The following AGBL1 variants were observed in gnomAD, a reference collection of about 807,000 sequenced individuals.
AGBL1 encodes the protein AGBL carboxypeptidase 1.
In AGBL1, 130 loss-of-function variants were observed where a neutral mutation model predicts 118.9. That is an observed-to-expected ratio of 1.09 (90% CI 0.95 to 1.26). The LOEUF (loss-of-function observed/expected upper bound fraction) is 1.26. AGBL1 is among the 50% of genes most tolerant of loss of function. The probability of loss-of-function intolerance (pLI) is 0.00; values close to 1 mark genes in which losing one functional copy is unlikely to be tolerated. For synonymous variants in AGBL1, 555 were observed against 478.9 expected (o/e 1.16, Z -2.08); for missense variants, 1,584 against 1,298.1 (o/e 1.22, Z -3.38).
intron 21 of AGBL1, among the ~76,000 whole-genome samples, chr15:86,652,247 T>A (rs2085385695): frequency 6.6e-6 from 1 of 152,114 alleles, no homozygotes; most frequent in African/African-American, 2.4e-5. Flanking sequence ...AACTCAAGCA[T>A]CATAGGGAGC....
chr15:86,332,599 T>C (rs1163865232), intron 17 of AGBL1, among the ~76,000 whole-genome samples: 4 of 147,768 alleles, frequency 2.7e-5, no homozygotes, highest in Non-Finnish European at 4.4e-5. Context: ...TGAGCCAAGA[T>C]TGCGCCACTG....
chr15:86,741,971 A>G (rs988521047), intron 22 of AGBL1, among the ~76,000 whole-genome samples: 2 of 144,310 alleles, frequency 1.4e-5, no homozygotes, highest in Non-Finnish European at 3.0e-5. Context: ...CTCTTTATCC[A>G]CTGGAGTTTT....
chr15:86,635,516 AAC>A (rs2085068643), intron 21 of AGBL1, among the ~76,000 whole-genome samples: 1 of 151,740 alleles, frequency 6.6e-6, no homozygotes. Flanking sequence ...AGGCTAATGT[AAC>A]AGACTCAGCT....
intron 22 of AGBL1, among the ~76,000 whole-genome samples, chr15:86,857,634 T>C (rs1209674171): frequency 1.3e-5 from 2 of 152,164 alleles, no homozygotes; most frequent in Non-Finnish European, 2.9e-5. Context: ...CCTCATATCA[T>C]CACAGAGAGT....
chr15:86,683,499 T>G (rs2085998960), intron 22 of AGBL1, among the ~76,000 whole-genome samples: 1 of 152,142 alleles, frequency 6.6e-6, no homozygotes, highest in South Asian at 2.1e-4. Flanking sequence ...TAATGCCTAT[T>G]TTACAAGTGA....
chr15:86,332,506 C>T (rs890914705), intron 17 of AGBL1, among the ~76,000 whole-genome samples: 26 of 151,904 alleles, frequency 1.7e-4, no homozygotes, highest in African/African-American at 9.7e-5. Context: ...ATTAGCTGGG[C>T]GTGGCAACAG....
chr15:86,237,702 C>T (rs926849189), intron 6 of AGBL1, among the ~76,000 whole-genome samples: 7 of 152,198 alleles, frequency 4.6e-5, no homozygotes, highest in African/African-American at 1.7e-4. Flanking sequence ...ATACAAATTT[C>T]TAGGCCTATT....
chr15:86,478,095 G>A (rs141477572), intron 18 of AGBL1, among the ~76,000 whole-genome samples: 70,279 of 151,876 alleles, frequency 0.46, 16,845 homozygotes, highest in Middle Eastern at 0.56. Flanking sequence ...AATAATAAGA[G>A]CTATTTATGA....
intron 19 of AGBL1, among the ~76,000 whole-genome samples, chr15:86,539,451 C>A (rs1454357357): frequency 6.6e-6 from 1 of 152,156 alleles, no homozygotes; most frequent in African/African-American, 2.4e-5. Context: ...CAGTCCCTCC[C>A]ATCTTAACAC....
At chr15:86,402,751 T>C (rs1017636522) in intron 18 of AGBL1, among the ~76,000 whole-genome samples, 4 of 152,164 alleles carry the variant, frequency 2.6e-5, no homozygotes, top group African/African-American at 9.7e-5. Context: ...CTGATAGCTT[T>C]TGATAAGAGT....
At chr15:86,282,123 T>C (rs1204191402) in intron 16 of AGBL1, among the ~76,000 whole-genome samples, 3 of 152,180 alleles carry the variant, frequency 2.0e-5, no homozygotes, top group African/African-American at 7.2e-5. Context: ...CTGGGCACAG[T>C]TTCAGATAAG....
intron 17 of AGBL1, among the ~76,000 whole-genome samples, chr15:86,369,610 T>C (rs2080941894): frequency 6.6e-6 from 1 of 152,160 alleles, no homozygotes; most frequent in African/African-American, 2.4e-5. Flanking sequence ...AAGTAAATTA[T>C]TTTTGGCTAA....
intron 22 of AGBL1, among the ~76,000 whole-genome samples, chr15:86,841,762 G>A (rs974944484): frequency 4.6e-5 from 7 of 152,108 alleles, no homozygotes; most frequent in Non-Finnish European, 5.9e-5. Context: ...CAGGAGAATC[G>A]CTTGAACCAG....
At chr15:86,552,937 T>G (rs1029342504) in intron 20 of AGBL1, among the ~76,000 whole-genome samples, 2 of 151,836 alleles carry the variant, frequency 1.3e-5, no homozygotes, top group Non-Finnish European at 2.9e-5. Flanking sequence ...TTATATAATA[T>G]GTAATTTATA....
intron 17 of AGBL1, among the ~76,000 whole-genome samples, chr15:86,369,821 G>T (rs2080945727): frequency 6.6e-6 from 1 of 152,026 alleles, no homozygotes; most frequent in African/African-American, 2.4e-5. Context: ...ATACAATCAT[G>T]TGATCTATCA....
At chr15:86,650,007 A>G (rs77975528) in intron 21 of AGBL1, among the ~76,000 whole-genome samples, 1 of 152,218 alleles carries the variant, frequency 6.6e-6, no homozygotes, top group African/African-American at 2.4e-5. Context: ...ACCAAAAAAA[A>G]TTGGGATAAG....
rs2078745558 is a variant in AGBL1 at position 86,247,783 on chromosome 15, C to T, written c.639C>T (p.Gly213=). 1.2e-6 allele frequency: 2 copies of T among 1,613,992 alleles called. No homozygotes were observed. The highest frequency in any genetic ancestry group is 1.3e-5 in the African/African-American group (1 of 75,058). Residue 213 remains glycine (G), a synonymous_variant, in exon 7 of 23, where the codon GGC becomes GGT. Transcript: ENST00000614907. ...TANAYVQIRR[G]LLLCLRHIAA... ...ACGCCTACGTGCAGATCCGACGGGG[C>T]TTGCTGCTCTGCCTCAGGCACATTG...
chr15:86,213,724 A>T (rs746002442), intron 5 of AGBL1, among the ~76,000 whole-genome samples: 2 of 152,184 alleles, frequency 1.3e-5, no homozygotes, highest in Non-Finnish European at 2.9e-5. Context: ...CATCAAATAC[A>T]AGAATAACTC....
chr15:86,499,671 A>G (rs557313140), intron 18 of AGBL1, among the ~76,000 whole-genome samples: 1 of 151,948 alleles, frequency 6.6e-6, no homozygotes, highest in African/African-American at 2.4e-5. Context: ...CTGGTCCCAT[A>G]GAATGAGGTT....
Sources: gnomAD v4.1 joint callset for allele counts (sites outside exome capture counted in the v4.1 genomes callset) on GRCh38, gnomAD v4.1.1 for gene constraint, MANE v1.5 for transcripts, NCBI Gene and HGNC (gene_info 2026-07-23, HGNC 2026-07-21) for gene names.